DAP3: variants seen among roughly 807,000 people sequenced by gnomAD.
The protein encoded by DAP3 is small ribosomal subunit protein mS29.
In DAP3, 28 loss-of-function variants were observed where a neutral mutation model predicts 51.9. The ratio of observed to expected loss-of-function variants is 0.54; its 90% CI spans 0.40 to 0.74. The LOEUF is 0.74. Among genes scored for constraint, DAP3 ranks in the 30% least tolerant of loss-of-function variants. The pLI is 0.00. For synonymous variants in DAP3, 170 were observed against 170.3 expected, an observed-to-expected ratio of 1.00 and a Z score of 0.01; for missense variants, 458 against 483.5, an observed-to-expected ratio of 0.95 and a Z score of 0.49.
chr1:155,694,876 T>C lies in DAP3; in HGVS notation c.-8+5702T>C, dbSNP rs563138108. 5.3e-5 allele frequency among the ~76,000 whole-genome samples: 8 copies of C among 152,320 alleles called. No homozygotes were observed. In the South Asian group the frequency reaches 1.7e-3, roughly 32 times the overall value. ...CCTGTTAAATGCTCTTCAGCTGCTA[T>C]AGTAACCTGATTGCGGAAGATGTTC... On this transcript the variant is annotated intron_variant, in intron 1 of 12. Coordinates refer to ENST00000368336, the MANE Select transcript of DAP3 (RefSeq NM_004632.4).
At chr1:155,700,311 A>G (rs1432956570) in intron 1 of DAP3, among the ~76,000 whole-genome samples, 2 of 152,192 alleles carry the variant, frequency 1.3e-5, no homozygotes, top group Non-Finnish European at 2.9e-5. Flanking sequence ...GTGATTTGCA[A>G]ATATTTTCTC....
upstream of DAP3, chr1:155,688,810 C>T (rs184902288): frequency 7.6e-5 from 118 of 1,559,632 alleles, no homozygotes; most frequent in Non-Finnish European, 9.9e-5. Flanking sequence ...GTCCCCACCG[C>T]GGGACTGTTC....
At chr1:155,730,241 A>G (rs991967327) in intron 9 of DAP3, among the ~76,000 whole-genome samples, 1 of 149,686 alleles carries the variant, frequency 6.7e-6, no homozygotes, top group Non-Finnish European at 1.5e-5. Flanking sequence ...GTATATATGT[A>G]TATATACGTA....
At chr1:155,721,931 T>A in intron 4 of DAP3, 1 of 480,098 alleles carries the variant, frequency 2.1e-6, no homozygotes, top group Non-Finnish European at 3.7e-6. Context: ...AAAAGCAAAA[T>A]CATAGTACAC....
intron 3 of DAP3, 143 bp from the exon 4 acceptor site, chr1:155,721,374 G>A (rs1027889840): frequency 1.6e-5 from 6 of 374,938 alleles, no homozygotes; most frequent in Admixed American, 4.2e-5. Context: ...ATATATGTAT[G>A]TATGTGTATA....
intron 9 of DAP3, among the ~76,000 whole-genome samples, chr1:155,730,493 G>T (rs1427509929): frequency 6.6e-6 from 1 of 152,078 alleles, no homozygotes; most frequent in Non-Finnish European, 1.5e-5. Flanking sequence ...GCACCTGTAT[G>T]TAGCTCCAGC....
chr1:155,692,712 C>T lies in DAP3; in HGVS notation c.-8+3538C>T, dbSNP rs778864284. On this transcript the variant is annotated intron_variant, in intron 1 of 12. Transcript: ENST00000368336. ...CTTCCAGATGATGTCTAACTTTTTC[C>T]CAGTGATGTTCAGTAGCATTGTATG... Among the ~76,000 whole-genome samples the T allele has an allele frequency of 7.8e-5, 11 of 141,816 alleles. 1 individual carries two copies. Among genetic ancestry groups the T allele is most frequent in the Non-Finnish European group, 1.3e-4 (9 of 68,014 alleles). 93.0% of individuals were successfully genotyped at this position (141,816 alleles called of 152,430 possible). A position where few individuals can be genotyped will look rare whatever the true frequency, so the allele number is the denominator to read the frequency against.
At chr1:155,718,695 AAAAG>A (rs1203841134) in intron 3 of DAP3, among the ~76,000 whole-genome samples, 5 of 124,098 alleles carry the variant, frequency 4.0e-5, no homozygotes, top group Admixed American at 1.7e-4. Context: ...CAAAAAAAAA[AAAAG>A]AAAGAAAGAT....
intron 1 of DAP3, among the ~76,000 whole-genome samples, chr1:155,708,419 T>C (rs1269155737): frequency 6.6e-6 from 1 of 152,216 alleles, no homozygotes. Context: ...ATTTTCAACT[T>C]TGCAAAGATA....
chr1:155,725,334 C>G, intron 4 of DAP3, 48 bp from the exon 5 acceptor site: 1 of 1,540,510 alleles, frequency 6.5e-7, no homozygotes, highest in Non-Finnish European at 9.0e-7. Context: ...ACCCCCCACC[C>G]ACTCCTTCCA....
intron 9 of DAP3, among the ~76,000 whole-genome samples, chr1:155,729,838 T>C (rs917475894): frequency 3.9e-5 from 6 of 151,902 alleles, no homozygotes; most frequent in Non-Finnish European, 8.8e-5. Flanking sequence ...ATCCCAGCAC[T>C]TGGGGAGGCT....
rs996473331 is a variant in DAP3, at chr1:155,729,204, A to G, written c.685-4A>G. On this transcript the variant is annotated splice_polypyrimidine_tract_variant and splice_region_variant and intron_variant, in intron 8 of 12. Coordinates refer to ENST00000368336, the MANE Select transcript of DAP3 (RefSeq NM_004632.4). ...GCACTACAATCCACTGTCTCTCCCA[A>G]TAGGGCATAACACGGGTGAGGAACG... 3 of 1,614,092 alleles carry G rather than the reference A, an allele frequency of 1.9e-6. No individual in the cohort carries two copies. The highest frequency in any genetic ancestry group is 1.3e-5 in the African/African-American group (1 of 74,944).
At position 155,705,874 on chromosome 1, in the gene DAP3, A is replaced by G. The variant is rs894717261; in HGVS notation, c.-7-3899A>G. 1.9e-4 allele frequency among the ~76,000 whole-genome samples: 29 copies of G among 151,762 alleles called. No individual in the cohort carries two copies. In the South Asian group the frequency reaches 4.2e-3, roughly 22 times the overall value. ...CACCACCATGCCAGGCTTATTTTTTATATTTTAGTAGAGATAGGGTTTCAC... is the reference window on the plus strand; with the variant it reads ...CACCACCATGCCAGGCTTATTTTTTGTATTTTAGTAGAGATAGGGTTTCAC... On this transcript the variant is annotated intron_variant, in intron 1 of 12. Coordinates refer to ENST00000368336, the MANE Select transcript of DAP3 (RefSeq NM_004632.4).
At chr1:155,730,811 G>T (rs1245324044) in intron 9 of DAP3, among the ~76,000 whole-genome samples, 1 of 152,118 alleles carries the variant, frequency 6.6e-6, no homozygotes, top group African/African-American at 2.4e-5. Context: ...GGTCTAAGCA[G>T]AGGAGATCAG....
At chr1:155,735,297 C>T (rs909242716) in intron 11 of DAP3, among the ~76,000 whole-genome samples, 7 of 143,800 alleles carry the variant, frequency 4.9e-5, no homozygotes, top group Non-Finnish European at 1.1e-4. Flanking sequence ...TTCCTTGGGC[C>T]GGGCGCAGTG....
intron 2 of DAP3, among the ~76,000 whole-genome samples, chr1:155,714,669 C>T (rs1200801936): frequency 2.0e-5 from 3 of 151,924 alleles, no homozygotes; most frequent in African/African-American, 7.2e-5. Context: ...GGCAGGAGAA[C>T]CACTTGAACC....
intron 4 of DAP3, among the ~76,000 whole-genome samples, chr1:155,722,612 T>C (rs932256664): frequency 1.3e-5 from 2 of 151,896 alleles, no homozygotes; most frequent in African/African-American, 4.8e-5. Context: ...GAAGCTTTGT[T>C]CTTTTGCTCT....
At chr1:155,711,596 T>C (rs938831962) in intron 2 of DAP3, among the ~76,000 whole-genome samples, 1 of 151,722 alleles carries the variant, frequency 6.6e-6, no homozygotes, top group Non-Finnish European at 1.5e-5. Context: ...TTTTTTTTTT[T>C]ACTAGTTTGG....
At chr1:155,688,802 C>A (rs1653176371), upstream of DAP3, 2 of 1,552,446 alleles carry the variant, frequency 1.3e-6, no homozygotes, top group African/African-American at 1.4e-5. Flanking sequence ...CTCCCACAGT[C>A]CCCACCGCGG....
Sources: gnomAD v4.1 joint callset for allele counts (sites outside exome capture counted in the v4.1 genomes callset) on GRCh38, gnomAD v4.1.1 for gene constraint, MANE v1.5 for transcripts, NCBI Gene and HGNC (gene_info 2026-07-23, HGNC 2026-07-21) for gene names.